Variants in YJU2B observed in about 807,000 individuals in gnomAD.
YJU2B encodes probable splicing factor YJU2B.
Under a neutral mutation model 38.0 loss-of-function variants are expected in YJU2B, and 18 were observed. The ratio of observed to expected loss-of-function variants is 0.47; its 90% CI spans 0.33 to 0.70. The LOEUF is 0.70. Among genes scored for constraint, YJU2B ranks in the 30% least tolerant of loss-of-function variants. YJU2B has a pLI of 0.02. For missense variants in YJU2B, 538 were observed against 556.3 expected (o/e 0.97, Z 0.33); for synonymous variants, 246 against 225.4 (o/e 1.09, Z -0.82).
In YJU2B at chr19:13,742,040, G is replaced by A. The variant is rs530442311; in HGVS notation, c.-201-9568G>A. Among the ~76,000 whole-genome samples the A allele has an allele frequency of 2.1e-3, 326 of 152,260 alleles. 1 individual carries two copies. Among genetic ancestry groups the A allele is most frequent in the Non-Finnish European group, 4.1e-3 (281 of 68,024 alleles). On this transcript the variant is annotated intron_variant, in intron 2 of 10. Transcript: ENST00000586600. ...TCATCTACTCCTCTCTGTGCAGCTT[G>A]GAGAGATTACATGGGAGACTTTATC...
Position 13,757,805 on chromosome 19 carries a change from AAAG to A in YJU2B, c.223_225del (p.Lys75del), listed in dbSNP as rs1207118170. The A allele has an allele frequency of 5.0e-6, 8 of 1,614,090 alleles. No individual in the cohort carries two copies. Among genetic ancestry groups the A allele is most frequent in the South Asian group, 1.1e-5 (1 of 91,074 alleles). ...TTCCAGGTGTTCGTTACAATGCAGAAAAGAAGAAGGTGGGCAATTACTACACAA... is the reference window on the plus strand; with the variant it reads ...TTCCAGGTGTTCGTTACAATGCAGAAAAGAAGGTGGGCAATTACTACACAA... On this transcript the variant is annotated inframe_deletion, in exon 6 of 10. Transcript: ENST00000221554.
intron 2 of YJU2B, among the ~76,000 whole-genome samples, chr19:13,735,404 CCT>C (rs1972917362): frequency 6.6e-6 from 1 of 152,134 alleles, no homozygotes; most frequent in African/African-American, 2.4e-5. Context: ...CTTGTTTTCC[CCT>C]CTGTCAAATG....
At chr19:13,737,026 CAAAAA>C (rs61619895) in intron 2 of YJU2B, among the ~76,000 whole-genome samples, 5 of 118,016 alleles carry the variant, frequency 4.2e-5, no homozygotes, top group Non-Finnish European at 8.7e-5. Context: ...GACTCATTCT[CAAAAA>C]AAAAAAAAAA....
At chr19:13,757,544 TGGG>T (rs1175243887) in intron 5 of YJU2B, 71 bp downstream of exon 5, 1 of 845,812 alleles carries the variant, frequency 1.2e-6, no homozygotes, top group African/African-American at 1.7e-5. Context: ...GCCGCCGGGG[TGGG>T]GGTGGGAGGG....
Position 13,762,364 on chromosome 19 carries a change from G to T in YJU2B, c.639G>T (p.Leu213=). Residue 213 remains leucine, a synonymous_variant, in exon 9 of 10, where the codon CTG becomes CTT. Transcript: ENST00000221554. ...AGGCCTTGCAGGCCAAGGCGAGCCT[G>T]ACCATCCCGCTGGTGCCCGAGACGG... ...RDQALQAKAS[L]TIPLVPETED... is the part of the protein sequence containing the mutation. 1.2e-6 allele frequency: 2 copies of T among 1,614,016 alleles called. No individual in the cohort carries two copies. Among genetic ancestry groups the T allele is most frequent in the Non-Finnish European group, 1.7e-6 (2 of 1,180,036 alleles).
chr19:13,754,294 A>G lies in YJU2B; in HGVS notation c.9A>G (p.Glu3=). Reference sequence around the variant, plus strand: ...GTCTCTGTTCTGCTTTGCAGGGTGAAAGGAAAGGGGTCAACAAGTACTATC... The same window carrying G: ...GTCTCTGTTCTGCTTTGCAGGGTGAGAGGAAAGGGGTCAACAAGTACTATC... MG[E]RKGVNKYYPP... is the part of the protein sequence containing the mutation. The change falls in exon 3 of 10, where the codon GAA becomes GAG. Residue 3 remains glutamate, a synonymous_variant. Coordinates refer to ENST00000221554, the MANE Select transcript of YJU2B (RefSeq NM_030818.4). The G allele has an allele frequency of 6.2e-7, 1 of 1,613,256 alleles. No individual in the cohort carries two copies. The highest frequency in any genetic ancestry group is 8.5e-7 in the Non-Finnish European group (1 of 1,179,230).
rs775176989 is a variant in YJU2B at position 13,763,111 on chromosome 19, A to G, written c.*43A>G. ...GACTGGACCCGCTCTAGAGGCCCGG[A>G]CACACCCAGGAGGCCCCTCACAGAC... is the stretch of plus-strand genomic sequence containing the variant. On this transcript the variant is annotated 3_prime_UTR_variant, in exon 10 of 10. Coordinates refer to ENST00000221554, the MANE Select transcript of YJU2B (RefSeq NM_030818.4). 219 of 1,484,730 alleles carry G rather than the reference A, an allele frequency of 1.5e-4. No homozygotes were observed. The Middle Eastern group carries it at 1.5e-3, about 10-fold the overall frequency. 92.0% of individuals were successfully genotyped at this position (1,484,730 alleles called of 1,614,324 possible).
At chr19:13,750,322 G>A (rs996191687) in intron 1 of YJU2B, among the ~76,000 whole-genome samples, 5 of 151,986 alleles carry the variant, frequency 3.3e-5, no homozygotes, top group Non-Finnish European at 7.4e-5. Context: ...CCGCCTCCCG[G>A]TTTGAGCCAT....
intron 6 of YJU2B, among the ~76,000 whole-genome samples, chr19:13,758,319 C>T (rs919202794): frequency 3.3e-5 from 5 of 152,186 alleles, no homozygotes; most frequent in Non-Finnish European, 5.9e-5. Context: ...CCTGCTGGGA[C>T]GTCAGCCTTT....
In YJU2B at chr19:13,756,975, C is replaced by CA. The variant is rs34608713; in HGVS notation, c.141-427dup. 2.7e-3 allele frequency among the ~76,000 whole-genome samples: 355 copies of CA among 130,404 alleles called. 5 individuals carry two copies. Among genetic ancestry groups the CA allele is most frequent in the Middle Eastern group, 3.9e-3 (1 of 258 alleles). The allele number at this position is 130,404 out of a possible 152,430, so 85.6% of individuals were successfully genotyped here. A position where few individuals can be genotyped will look rare whatever the true frequency, so the allele number is the denominator to read the frequency against. On this transcript the variant is annotated intron_variant, in intron 4 of 9. Coordinates refer to ENST00000221554, the MANE Select transcript of YJU2B (RefSeq NM_030818.4). The stretch of plus-strand genomic sequence containing the variant: ...CTGGCAACAGAGCGAGACTCCATCT[C>CA]AAAAAAAAAAAAAAAATTCGCCGGA...
chr19:13,757,500 G>A (rs759832662), intron 5 of YJU2B, 27 bp downstream of exon 5: 77 of 1,603,714 alleles, frequency 4.8e-5, no homozygotes, highest in Middle Eastern at 1.8e-4. Flanking sequence ...CCTCCATTCA[G>A]TCCTGCAAAC....
intron 2 of YJU2B, among the ~76,000 whole-genome samples, chr19:13,739,855 C>G (rs1599492902): frequency 6.6e-6 from 1 of 152,122 alleles, no homozygotes; most frequent in East Asian, 1.9e-4. Context: ...GGTTTTAAGC[C>G]CCACATGCAT....
intron 1 of YJU2B, among the ~76,000 whole-genome samples, chr19:13,749,347 A>G (rs1391529347): frequency 6.6e-6 from 1 of 152,176 alleles, no homozygotes; most frequent in Non-Finnish European, 1.5e-5. Context: ...GGAAAAATCA[A>G]AAGAATAATA....
chr19:13,735,216 G>A (rs929075033), intron 2 of YJU2B, among the ~76,000 whole-genome samples: 5 of 152,260 alleles, frequency 3.3e-5, no homozygotes, highest in Non-Finnish European at 7.4e-5. Flanking sequence ...GCTCCCAGCT[G>A]AGGCAGGAGA....
At chr19:13,756,528 A>G (rs1973674237) in intron 4 of YJU2B, among the ~76,000 whole-genome samples, 1 of 152,132 alleles carries the variant, frequency 6.6e-6, no homozygotes, top group African/African-American at 2.4e-5. Flanking sequence ...GGCTGGCCTG[A>G]TCTGGGCTGG....
rs772747454 is a variant in YJU2B at position 13,762,578 on chromosome 19, C to G, written c.713-12C>G. On this transcript the variant is annotated splice_polypyrimidine_tract_variant and intron_variant, in intron 9 of 9. Transcript: ENST00000221554. Reference sequence around the variant, plus strand: ...CCCTGCCGCCCCTGAAATGTCCTCTCCTCTCCTCTAGCCTACGAGGACAAG... The same window carrying G: ...CCCTGCCGCCCCTGAAATGTCCTCTGCTCTCCTCTAGCCTACGAGGACAAG... 1.3e-6 allele frequency: 2 copies of G among 1,531,870 alleles called. No homozygotes were observed. Among genetic ancestry groups the G allele is most frequent in the South Asian group, 1.3e-5 (1 of 79,694 alleles). 94.9% of individuals were successfully genotyped at this position (1,531,870 alleles called of 1,614,324 possible).
chr19:13,741,151 C>CTT (rs71170552), intron 2 of YJU2B, among the ~76,000 whole-genome samples: 36 of 100,806 alleles, frequency 3.6e-4, no homozygotes, highest in South Asian at 3.4e-4. Context: ...TTATAGATTT[C>CTT]TTTTTTTTTT....
At chr19:13,744,684 A>G (rs1392448498), upstream of YJU2B, among the ~76,000 whole-genome samples, 1 of 151,522 alleles carries the variant, frequency 6.6e-6, no homozygotes, top group Non-Finnish European at 1.5e-5. Context: ...CAAACACCCT[A>G]CCCTCTTTAA....
At chr19:13,745,572 G>A (rs1476022615), upstream of YJU2B, among the ~76,000 whole-genome samples, 1 of 151,606 alleles carries the variant, frequency 6.6e-6, no homozygotes, top group Non-Finnish European at 1.5e-5. Context: ...GCTTGATCCC[G>A]GAAGGAAGGT....
Sources: gnomAD v4.1 joint callset for allele counts (sites outside exome capture counted in the v4.1 genomes callset) on GRCh38, gnomAD v4.1.1 for gene constraint, MANE v1.5 for transcripts, NCBI Gene and HGNC (gene_info 2026-07-23, HGNC 2026-07-21) for gene names.